Variants in FARS2 observed in about 807,000 individuals in gnomAD.
The protein encoded by FARS2 is phenylalanine--tRNA ligase, mitochondrial.
A neutral mutation model predicts 46.4 loss-of-function variants in FARS2; 40 were observed. That is an observed-to-expected ratio of 0.86 (90% CI 0.67 to 1.12). The LOEUF (loss-of-function observed/expected upper bound fraction) is 1.12, where lower values mean the gene tolerates loss of function less well. FARS2 is among the 50% of genes most tolerant of loss of function. FARS2 has a pLI of 0.00. For missense variants in FARS2, 513 were observed against 567.9 expected (o/e 0.90, Z 0.98); for synonymous variants, 234 against 214.9 (o/e 1.09, Z -0.78).
upstream of FARS2, among the ~76,000 whole-genome samples, chr6:5,258,259 T>C (rs752307118): frequency 1.1e-4 from 17 of 152,226 alleles, no homozygotes; most frequent in Admixed American, 6.5e-4. Flanking sequence ...AGTATTTATT[T>C]CACTACTCTA....
At chr6:5,718,035 C>T (rs1362720226) in intron 6 of FARS2, among the ~76,000 whole-genome samples, 1 of 151,710 alleles carries the variant, frequency 6.6e-6, no homozygotes, top group Non-Finnish European at 1.5e-5. Context: ...AAACCTCAGC[C>T]TCCTGAGTAA....
chr6:5,758,316 A>G (rs183305535), intron 6 of FARS2, among the ~76,000 whole-genome samples: 137 of 152,336 alleles, frequency 9.0e-4, no homozygotes, highest in African/African-American at 2.9e-3. Flanking sequence ...CAATTAGATT[A>G]CTTTTTCTCA....
chr6:5,439,850 G>C (rs1257374102), intron 4 of FARS2, among the ~76,000 whole-genome samples: 1 of 152,034 alleles, frequency 6.6e-6, no homozygotes, highest in Admixed American at 6.6e-5. Context: ...TTCCTTCTCC[G>C]TTCCTTTCTT....
intron 5 of FARS2, among the ~76,000 whole-genome samples, chr6:5,584,696 A>G (rs1238305860): frequency 6.6e-6 from 1 of 152,062 alleles, no homozygotes; most frequent in African/African-American, 2.4e-5. Flanking sequence ...AACCTTCCAT[A>G]GATATGCATC....
intron 5 of FARS2, among the ~76,000 whole-genome samples, chr6:5,563,954 A>G (rs1446106347): frequency 3.9e-5 from 6 of 152,176 alleles, no homozygotes; most frequent in Admixed American, 1.3e-4. Flanking sequence ...CTTCTACTTT[A>G]CTAGAGGTGT....
At chr6:5,258,840 T>G (rs1300681386), upstream of FARS2, among the ~76,000 whole-genome samples, 1 of 152,222 alleles carries the variant, frequency 6.6e-6, no homozygotes, top group Non-Finnish European at 1.5e-5. Context: ...CATTTTCAAT[T>G]TTCTGCCTTT....
intron 5 of FARS2, among the ~76,000 whole-genome samples, chr6:5,546,542 G>A (rs551585856): frequency 1.8e-4 from 27 of 151,916 alleles, no homozygotes; most frequent in Non-Finnish European, 2.9e-4. Flanking sequence ...GAGCCACTGC[G>A]CCCAGCCCTC....
At chr6:5,251,390 T>C in the FARS2 span, among the ~76,000 whole-genome samples, 1 of 152,218 alleles carries the variant, frequency 6.6e-6, no homozygotes, top group African/African-American at 2.4e-5. Context: ...AGAGGTTTAA[T>C]TGGCTCACAG....
chr6:5,321,084 C>G (rs1415629699), intron 1 of FARS2, among the ~76,000 whole-genome samples: 1 of 152,164 alleles, frequency 6.6e-6, no homozygotes, highest in Non-Finnish European at 1.5e-5. Flanking sequence ...TAGAAAGGAT[C>G]TGACCTTCTC....
At chr6:5,742,311 C>A (rs573642309) in intron 6 of FARS2, among the ~76,000 whole-genome samples, 38 of 152,314 alleles carry the variant, frequency 2.5e-4, no homozygotes, top group Admixed American at 2.5e-3. Flanking sequence ...GAAACCTTCT[C>A]TCTGCGTTGC....
intron 1 of FARS2, among the ~76,000 whole-genome samples, chr6:5,277,393 T>C (rs1044288798): frequency 3.9e-5 from 6 of 152,174 alleles, no homozygotes; most frequent in Non-Finnish European, 8.8e-5. Flanking sequence ...GTTACATTTT[T>C]GAGGAAAAGA....
intron 6 of FARS2, among the ~76,000 whole-genome samples, chr6:5,675,231 C>CTG: frequency 7.0e-6 from 1 of 142,500 alleles, no homozygotes; most frequent in South Asian, 2.3e-4. Context: ...CACACACACA[C>CTG]ACACACACGG....
At chr6:5,515,831 T>C (rs1221601506) in intron 4 of FARS2, among the ~76,000 whole-genome samples, 2 of 152,224 alleles carry the variant, frequency 1.3e-5, no homozygotes, top group Non-Finnish European at 2.9e-5. Context: ...TAATTTAGCA[T>C]ATCATTTTAA....
At chr6:5,366,839 C>CTTG (rs1185891531) in intron 1 of FARS2, among the ~76,000 whole-genome samples, 14 of 152,274 alleles carry the variant, frequency 9.2e-5, no homozygotes, top group Non-Finnish European at 1.5e-4. Flanking sequence ...AGCTAATAAC[C>CTTG]TAACAGTTTG....
intron 2 of FARS2, among the ~76,000 whole-genome samples, chr6:5,394,469 T>A (rs114809382): frequency 0.023 from 3,511 of 152,288 alleles, 134 homozygotes; most frequent in African/African-American, 0.08. Flanking sequence ...CTCCATGGTG[T>A]TCGCACAATG....
chr6:5,731,826 A>G (rs565995152), intron 6 of FARS2, among the ~76,000 whole-genome samples: 1 of 150,282 alleles, frequency 6.7e-6, no homozygotes, highest in East Asian at 1.9e-4. Context: ...GGTCCTCAAC[A>G]TTTGCTAGAT....
At chr6:5,701,457 T>C (rs1758431716) in intron 6 of FARS2, among the ~76,000 whole-genome samples, 1 of 152,220 alleles carries the variant, frequency 6.6e-6, no homozygotes, top group African/African-American at 2.4e-5. Flanking sequence ...CGTGAAAGCA[T>C]TTCCTGGCGC....
At chr6:5,650,284 CAG>C (rs1777289005) in intron 6 of FARS2, among the ~76,000 whole-genome samples, 1 of 128,974 alleles carries the variant, frequency 7.8e-6, no homozygotes, top group Non-Finnish European at 1.6e-5. Flanking sequence ...TTTTTTGAGA[CAG>C]AGTCTCAAAA....
chr6:5,430,913 A>T, intron 3 of FARS2, 128 bp from the exon 4 acceptor site: 1 of 895,036 alleles, frequency 1.1e-6, no homozygotes, highest in Non-Finnish European at 1.7e-6. Context: ...GTTGCAAATT[A>T]GTTTATTTGC....
Sources: allele counts gnomAD v4.1 joint callset (sites outside exome capture counted in the v4.1 genomes callset), GRCh38; gene constraint gnomAD v4.1.1; transcripts MANE v1.5; gene names NCBI Gene and HGNC (gene_info 2026-07-23, HGNC 2026-07-21).